Variants in PDE4D observed in about 807,000 individuals in gnomAD.
PDE4D encodes phosphodiesterase 4D.
PDE4D carries 24 observed loss-of-function variants against 87.4 expected under a neutral mutation model. The ratio of observed to expected loss-of-function variants is 0.27; its 90% CI spans 0.20 to 0.39. The LOEUF is 0.39. PDE4D is among the 10% of genes least tolerant of loss of function. The probability of loss-of-function intolerance (pLI) is 1.00; values close to 1 mark genes in which losing one functional copy is unlikely to be tolerated. For synonymous variants in PDE4D, 384 were observed against 383.2 expected, an observed-to-expected ratio of 1.00 and a Z score of -0.02; for missense variants, 714 against 1,041.0, an observed-to-expected ratio of 0.69 and a Z score of 4.32.
chr5:59,335,652 C>G (rs1024788377), intron 1 of PDE4D, among the ~76,000 whole-genome samples: 4 of 152,114 alleles, frequency 2.6e-5, no homozygotes, highest in African/African-American at 9.7e-5. Context: ...GTCTCCCTCT[C>G]AGGGATGAAG....
chr5:59,346,875 T>C (rs146546026), intron 1 of PDE4D, among the ~76,000 whole-genome samples: 17 of 152,334 alleles, frequency 1.1e-4, no homozygotes, highest in African/African-American at 3.8e-4. Context: ...AGATGTGAGA[T>C]AAACAATTAT....
chr5:59,435,439 C>T (rs1457197285), intron 1 of PDE4D, among the ~76,000 whole-genome samples: 1 of 152,156 alleles, frequency 6.6e-6, no homozygotes, highest in Non-Finnish European at 1.5e-5. Context: ...CCCACTGGGG[C>T]TTCCCAAATG....
chr5:60,247,087 C>T (rs1056708987), intron 1 of PDE4D, among the ~76,000 whole-genome samples: 2 of 152,030 alleles, frequency 1.3e-5, no homozygotes, highest in South Asian at 4.1e-4. Flanking sequence ...CTCTTCTGTT[C>T]TGATGATTTT....
chr5:60,238,744 A>G lies in PDE4D; in HGVS notation c.-89-53057T>C, dbSNP rs1378762858. 3.3e-5 allele frequency among the ~76,000 whole-genome samples: 5 copies of G among 151,960 alleles called. 1 individual carries two copies. The highest frequency in any genetic ancestry group is 3.3e-4 in the Admixed American group (5 of 15,236). ...AAAGATTCCTTCATACAAAATGCAT[A>G]TTAATTTTTGTTGGTTGTATATACT... On this transcript the variant is annotated intron_variant, in intron 1 of 16. Transcript: ENST00000502484.
intron 1 of PDE4D, among the ~76,000 whole-genome samples, chr5:60,443,387 G>A (rs1745394588): frequency 6.6e-6 from 1 of 152,160 alleles, no homozygotes; most frequent in Admixed American, 6.5e-5. Flanking sequence ...TTCTAATGAT[G>A]TCTGCAAACA....
At chr5:59,378,551 A>G (rs1785139606) in intron 1 of PDE4D, among the ~76,000 whole-genome samples, 1 of 152,212 alleles carries the variant, frequency 6.6e-6, no homozygotes, top group Non-Finnish European at 1.5e-5. Flanking sequence ...TACATAGTGA[A>G]TTAAGAAAAA....
chr5:60,460,211 C>A, intron 1 of PDE4D: 1 of 1,470,560 alleles, frequency 6.8e-7, no homozygotes, highest in Non-Finnish European at 9.5e-7. Flanking sequence ...TTCATCAAAT[C>A]CTTTCCAGAT....
chr5:60,197,950 A>G (rs1583044482), intron 1 of PDE4D, among the ~76,000 whole-genome samples: 1 of 151,512 alleles, frequency 6.6e-6, no homozygotes, highest in East Asian at 1.9e-4. Context: ...CTTAGTTTGG[A>G]GCAAATTTCT....
intron 1 of PDE4D, among the ~76,000 whole-genome samples, chr5:59,567,091 T>C (rs901169524): frequency 1.3e-5 from 2 of 152,226 alleles, no homozygotes; most frequent in Non-Finnish European, 2.9e-5. Flanking sequence ...AACTATTTTA[T>C]GCAAGATCTT....
intron 5 of PDE4D, among the ~76,000 whole-genome samples, chr5:59,141,616 G>A (rs1397427103): frequency 6.6e-6 from 1 of 152,170 alleles, no homozygotes; most frequent in Non-Finnish European, 1.5e-5. Context: ...TTTTTTTGAA[G>A]ACTATTTATT....
At chr5:60,076,117 G>C (rs1248956150) in intron 2 of PDE4D, among the ~76,000 whole-genome samples, 1 of 151,924 alleles carries the variant, frequency 6.6e-6, no homozygotes, top group African/African-American at 2.4e-5. Context: ...TTCCCACACT[G>C]GTTTTTTCTC....
chr5:59,157,248 T>C (rs1780384515), intron 5 of PDE4D: 2 of 699,970 alleles, frequency 2.9e-6, no homozygotes, highest in Non-Finnish European at 5.2e-6. Flanking sequence ...TTGTATTGCA[T>C]TGTTTTCAAA....
intron 1 of PDE4D, among the ~76,000 whole-genome samples, chr5:60,320,459 G>T (rs1470454995): frequency 1.3e-5 from 2 of 152,106 alleles, no homozygotes; most frequent in Non-Finnish European, 2.9e-5. Context: ...CCCTGCTTTG[G>T]CTCACACTCG....
At chr5:59,660,445 A>G (rs1207749956) in intron 1 of PDE4D, among the ~76,000 whole-genome samples, 1 of 152,120 alleles carries the variant, frequency 6.6e-6, no homozygotes, top group Admixed American at 6.6e-5. Context: ...ACAAATGTCC[A>G]TGAGGCTTCA....
chr5:59,029,334 G>A (rs1380649347), intron 6 of PDE4D, among the ~76,000 whole-genome samples: 4 of 146,568 alleles, frequency 2.7e-5, no homozygotes, highest in Admixed American at 2.1e-4. Flanking sequence ...GGAGAACGGC[G>A]TGAACCTGGG....
At chr5:59,624,647 G>A (rs1384025169) in intron 1 of PDE4D, among the ~76,000 whole-genome samples, 1 of 152,162 alleles carries the variant, frequency 6.6e-6, no homozygotes, top group Admixed American at 6.5e-5. Flanking sequence ...GAGACATTTG[G>A]TCTACATCTA....
chr5:60,297,141 G>A (rs1282308091), intron 1 of PDE4D, among the ~76,000 whole-genome samples: 1 of 152,054 alleles, frequency 6.6e-6, no homozygotes, highest in Non-Finnish European at 1.5e-5. Flanking sequence ...TTGAATATTG[G>A]AAAAATGTAC....
chr5:59,566,042 TG>T, intron 1 of PDE4D, among the ~76,000 whole-genome samples: 1 of 152,248 alleles, frequency 6.6e-6, no homozygotes, highest in East Asian at 1.9e-4. Context: ...TATGAGTGGG[TG>T]GGTTAAACTA....
At chr5:60,226,542 A>T (rs950839573) in intron 1 of PDE4D, among the ~76,000 whole-genome samples, 2 of 152,128 alleles carry the variant, frequency 1.3e-5, no homozygotes, top group East Asian at 3.9e-4. Context: ...AAATGCAGAC[A>T]TTTAATTTTT....
Sources: gnomAD v4.1 joint callset for allele counts (sites outside exome capture counted in the v4.1 genomes callset) on GRCh38, gnomAD v4.1.1 for gene constraint, MANE v1.5 for transcripts, NCBI Gene and HGNC (gene_info 2026-07-23, HGNC 2026-07-21) for gene names.